The following HMGN5 variants were observed in gnomAD, a reference collection of about 807,000 sequenced individuals.
HMGN5 encodes the protein high mobility group nucleosome binding domain 5.
In HMGN5, 4 loss-of-function variants were observed where a neutral mutation model predicts 9.5. The ratio of observed to expected loss-of-function variants is 0.42; its 90% CI spans 0.21 to 0.96. The LOEUF is 0.96. Ranked by LOEUF, HMGN5 falls within the 40% of genes least tolerant of loss-of-function variation. The pLI is 0.30. For missense variants in HMGN5, 192 were observed against 187.5 expected (o/e 1.02, Z -0.14); for synonymous variants, 55 against 57.1 (o/e 0.96, Z 0.16).
Position 81,181,300 on chromosome X carries a change from G to T in HMGN5, c.-124+20437C>A, listed in dbSNP as rs192427974. ...ATTTAAATTATTTTTAAATTTTTTG[G>T]TTTTTTATTTATTTTTTATTTGTGT... On this transcript the variant is annotated intron_variant, in intron 1 of 6. Transcript: ENST00000358130. Among the ~76,000 whole-genome samples the T allele has an allele frequency of 2.8e-3, 305 of 110,629 alleles. 1 individual carries two copies. In the East Asian group the frequency reaches 0.049, roughly 18 times the overall value.
chrX:81,134,269 T>C (rs2075305673), intron 1 of HMGN5, among the ~76,000 whole-genome samples: 1 of 111,646 alleles, frequency 9.0e-6, no homozygotes, highest in Non-Finnish European at 1.9e-5. Flanking sequence ...CATGATGAGT[T>C]TGGACACTAT....
chrX:81,121,585 A>G lies in HMGN5; in HGVS notation c.-36T>C. ...CTCTATAGGAGATCTTAGTCAGCAG[A>G]AAAAAAGCCGAAGGCAGTCACTGCC... On this transcript the variant is annotated 5_prime_UTR_variant, in exon 2 of 7. Transcript: ENST00000358130. 3.5e-6 allele frequency: 4 copies of G among 1,134,344 alleles called. No individual in the cohort carries two copies. The highest frequency in any genetic ancestry group is 3.5e-6 in the Non-Finnish European group (3 of 849,699). 93.5% of individuals were successfully genotyped at this position (1,134,344 alleles called of 1,213,427 possible).
chrX:81,195,096 T>G (rs1403826311), intron 1 of HMGN5: 1 of 111,090 alleles, frequency 9.0e-6, no homozygotes, highest in Non-Finnish European at 1.9e-5. Context: ...AAAGGGGAAT[T>G]TATTAAGAAG....
intron 1 of HMGN5, among the ~76,000 whole-genome samples, chrX:81,173,858 G>A (rs1356277425): frequency 9.0e-6 from 1 of 111,377 alleles, no homozygotes; most frequent in South Asian, 3.7e-4. Flanking sequence ...TTATCTTAGT[G>A]AATCTCTTCC....
At chrX:81,146,603 C>A (rs963528553) in intron 1 of HMGN5, among the ~76,000 whole-genome samples, 1 of 111,351 alleles carries the variant, frequency 9.0e-6, no homozygotes, top group African/African-American at 3.3e-5. Flanking sequence ...GAAACAAGAG[C>A]AAACACATTC....
intron 1 of HMGN5, among the ~76,000 whole-genome samples, chrX:81,169,182 G>C (rs1046557508): frequency 1.8e-5 from 2 of 111,413 alleles, no homozygotes; most frequent in African/African-American, 6.5e-5. Flanking sequence ...TTTGAAACCT[G>C]GATAATAGCC....
intron 1 of HMGN5, among the ~76,000 whole-genome samples, chrX:81,170,591 A>G (rs1259915561): frequency 9.0e-6 from 1 of 111,597 alleles, no homozygotes; most frequent in Non-Finnish European, 1.9e-5. Flanking sequence ...GGACATAAAG[A>G]GTAAAATCAA....
intron 1 of HMGN5, among the ~76,000 whole-genome samples, chrX:81,145,208 A>G (rs1450280234): frequency 8.9e-6 from 1 of 111,831 alleles, no homozygotes; most frequent in Non-Finnish European, 1.9e-5. Flanking sequence ...AGATTCACCA[A>G]GGTTGAAATG....
intron 1 of HMGN5, among the ~76,000 whole-genome samples, chrX:81,134,451 C>T (rs770527013): frequency 1.8e-5 from 2 of 111,234 alleles, no homozygotes; most frequent in Non-Finnish European, 3.8e-5. Context: ...ACACTGAACT[C>T]ATTTAAAGTG....
intron 1 of HMGN5, among the ~76,000 whole-genome samples, chrX:81,123,695 A>T (rs1395328917): frequency 8.9e-6 from 1 of 112,513 alleles, no homozygotes; most frequent in African/African-American, 3.2e-5. Context: ...TGTAGCATGC[A>T]AAGTTGCATT....
chrX:81,177,054 T>C (rs2075444099), intron 1 of HMGN5, among the ~76,000 whole-genome samples: 1 of 109,702 alleles, frequency 9.1e-6, no homozygotes, highest in Admixed American at 9.9e-5. Flanking sequence ...AAGGTCGAGT[T>C]ACCCACAAAG....
chrX:81,121,914 A>G (rs1262584244), intron 1 of HMGN5, among the ~76,000 whole-genome samples: 1 of 112,753 alleles, frequency 8.9e-6, no homozygotes, highest in Non-Finnish European at 1.9e-5. Flanking sequence ...CTAAGCGATC[A>G]GGAATAAGAA....
intron 1 of HMGN5, among the ~76,000 whole-genome samples, chrX:81,169,395 T>G (rs997984401): frequency 3.6e-5 from 4 of 111,938 alleles, no homozygotes; most frequent in Admixed American, 1.9e-4. Context: ...TAATAAAAGT[T>G]GTAGGGGATA....
At chrX:81,134,562 T>C (rs780836674) in intron 1 of HMGN5, among the ~76,000 whole-genome samples, 117 of 111,280 alleles carry the variant, frequency 1.1e-3, no homozygotes, top group Non-Finnish European at 2.1e-3. Flanking sequence ...CCCTTGCCCA[T>C]TGGTAGTCAC....
intron 1 of HMGN5, among the ~76,000 whole-genome samples, chrX:81,174,594 T>C (rs899135361): frequency 3.6e-5 from 4 of 111,403 alleles, no homozygotes; most frequent in African/African-American, 1.3e-4. Context: ...TTCTGAAACA[T>C]TGCTTCTCTC....
intron 1 of HMGN5, among the ~76,000 whole-genome samples, chrX:81,158,145 G>A (rs2075388398): frequency 8.9e-6 from 1 of 111,877 alleles, no homozygotes; most frequent in Non-Finnish European, 1.9e-5. Context: ...GTCCTGAGAT[G>A]TATGAGTAAG....
chrX:81,145,575 A>G (rs1357652892), intron 1 of HMGN5, among the ~76,000 whole-genome samples: 2 of 112,127 alleles, frequency 1.8e-5, no homozygotes, highest in African/African-American at 3.2e-5. Context: ...CATCGACGCT[A>G]TGAAGAAACT....
chrX:81,146,675 TA>T (rs1233616667), intron 1 of HMGN5, among the ~76,000 whole-genome samples: 2 of 110,964 alleles, frequency 1.8e-5, no homozygotes, highest in African/African-American at 3.3e-5. Flanking sequence ...GATAGAGACA[TA>T]AAAAACCCTT....
chrX:81,114,544 A>G lies in HMGN5; in HGVS notation c.*105T>C. The G allele has an allele frequency of 1.3e-6, 1 of 745,821 alleles. No homozygotes were observed. Among genetic ancestry groups the G allele is most frequent in the Non-Finnish European group, 1.8e-6 (1 of 558,084 alleles). The allele number at this position is 745,821 out of a possible 1,213,427, so 61.5% of individuals were successfully genotyped here. A position where few individuals can be genotyped will look rare whatever the true frequency, so the allele number is the denominator to read the frequency against. On this transcript the variant is annotated 3_prime_UTR_variant, in exon 7 of 7. Coordinates refer to ENST00000358130, the MANE Select transcript of HMGN5 (RefSeq NM_030763.3). ...GATGTTCTGAAATTAAATCAATGCT[A>G]AAGAAAGGCTGTGTTTATAAAATTT...
Sources: gnomAD v4.1 joint callset for allele counts (sites outside exome capture counted in the v4.1 genomes callset) on GRCh38, gnomAD v4.1.1 for gene constraint, MANE v1.5 for transcripts, NCBI Gene and HGNC (gene_info 2026-07-23, HGNC 2026-07-21) for gene names.